GRM7: variants seen among roughly 807,000 people sequenced by gnomAD.
GRM7 encodes metabotropic glutamate receptor 7.
A neutral mutation model predicts 84.5 loss-of-function variants in GRM7; 35 were observed. The observed-to-expected ratio is 0.41, with a 90% CI of 0.32 to 0.55. The LOEUF (loss-of-function observed/expected upper bound fraction) is 0.55, where lower values mean the gene tolerates loss of function less well. Ranked by LOEUF, GRM7 falls within the 20% of genes least tolerant of loss-of-function variation. The pLI is 0.19. For synonymous variants in GRM7, 487 were observed against 455.1 expected, an observed-to-expected ratio of 1.07 and a Z score of -0.89; for missense variants, 1,003 against 1,194.6, an observed-to-expected ratio of 0.84 and a Z score of 2.36.
chr3:7,525,763 T>C (rs755397066), intron 7 of GRM7, among the ~76,000 whole-genome samples: 1 of 152,138 alleles, frequency 6.6e-6, no homozygotes, highest in Non-Finnish European at 1.5e-5. Flanking sequence ...TATGTCCATG[T>C]GTATCCAATG....
At chr3:7,333,397 C>A (rs1467961289) in intron 4 of GRM7, among the ~76,000 whole-genome samples, 1 of 152,200 alleles carries the variant, frequency 6.6e-6, no homozygotes, top group African/African-American at 2.4e-5. Flanking sequence ...AAAATCACTG[C>A]AGTCTGCCTC....
intron 1 of GRM7, among the ~76,000 whole-genome samples, chr3:6,936,987 C>T (rs1697715940): frequency 6.6e-6 from 1 of 152,178 alleles, no homozygotes; most frequent in African/African-American, 2.4e-5. Context: ...ATGATGAACA[C>T]ACTTTGTAAA....
chr3:7,645,659 A>G (rs994122915), intron 8 of GRM7, among the ~76,000 whole-genome samples: 7 of 152,166 alleles, frequency 4.6e-5, no homozygotes, highest in South Asian at 2.1e-4. Context: ...GAGTCATAAG[A>G]CAGAAAATCT....
intron 6 of GRM7, among the ~76,000 whole-genome samples, chr3:7,459,372 C>T (rs1221581081): frequency 2.0e-5 from 3 of 152,046 alleles, no homozygotes; most frequent in Non-Finnish European, 1.5e-5. Context: ...AGGAAGGAGC[C>T]AGTGTGCCAA....
chr3:6,908,151 A>G (rs1225388948), intron 1 of GRM7, among the ~76,000 whole-genome samples: 1 of 152,222 alleles, frequency 6.6e-6, no homozygotes, highest in African/African-American at 2.4e-5. Flanking sequence ...GAAAGTGGAA[A>G]GAATGTCTGG....
At chr3:7,354,427 T>G (rs2125095576) in intron 4 of GRM7, among the ~76,000 whole-genome samples, 1 of 152,220 alleles carries the variant, frequency 6.6e-6, no homozygotes, top group South Asian at 2.1e-4. Flanking sequence ...ATGAGTGGAA[T>G]AGATGTTCTT....
Position 6,861,577 on chromosome 3 carries a change from C to A in GRM7, c.189C>A (p.Ser63Arg), listed in dbSNP as rs1448949035. 1.2e-6 allele frequency: 2 copies of A among 1,605,076 alleles called. No individual in the cohort carries two copies. The highest frequency in any genetic ancestry group is 1.7e-5 in the Admixed American group (1 of 59,300). ...GLFPVHAKGP[S>R]GVPCGDIKRE... ...TCCCCGTGCACGCCAAGGGTCCCAG[C>A]GGAGTGCCCTGCGGCGACATCAAGA... is the stretch of plus-strand genomic sequence containing the variant. The change falls in exon 1 of 10, where the codon AGC becomes AGA. Residue 63 changes from serine to arginine, a missense_variant. By Grantham distance (110) the Ser-to-Arg change is moderately radical. Transcript: ENST00000357716. The surrounding 1 kb of genome is among the most constrained non-coding windows in gnomAD (Gnocchi z 6.4).
At chr3:6,903,350 T>C (rs988315627) in intron 1 of GRM7, among the ~76,000 whole-genome samples, 5 of 152,230 alleles carry the variant, frequency 3.3e-5, no homozygotes, top group Admixed American at 6.5e-5. Context: ...TTTGAAAAAC[T>C]GCCTGGATTG....
intron 1 of GRM7, among the ~76,000 whole-genome samples, chr3:6,869,394 C>A (rs62237230): frequency 0.052 from 7,962 of 152,192 alleles, 240 homozygotes; most frequent in Non-Finnish European, 0.058. Context: ...ATGTTTAATA[C>A]ATTTAAAAGC....
In GRM7 at chr3:6,862,393, G is replaced by A. The variant is rs1440349108; in HGVS notation, c.519+486G>A. Among the ~76,000 whole-genome samples the A allele has an allele frequency of 6.6e-6, 1 of 151,976 alleles. No homozygotes were observed. The highest frequency in any genetic ancestry group is 1.5e-5 in the Non-Finnish European group (1 of 67,992). ...TGAAAAATTTGGAGACAGCCTTAAG[G>A]AGGCACTTCTTAAATCGAGGGCTCC... On this transcript the variant is annotated intron_variant, in intron 1 of 9. Transcript: ENST00000357716. This position sits in a 1 kb window ranked among gnomAD's most constrained non-coding sequence, Gnocchi z 5.2.
chr3:6,916,905 G>A (rs1023405285), intron 1 of GRM7, among the ~76,000 whole-genome samples: 2 of 152,098 alleles, frequency 1.3e-5, no homozygotes, highest in South Asian at 4.1e-4. Context: ...CTGGGTGGGG[G>A]CAGAAAATGT....
intron 2 of GRM7, among the ~76,000 whole-genome samples, chr3:7,176,417 G>T (rs937192759): frequency 1.2e-4 from 18 of 151,396 alleles, no homozygotes; most frequent in African/African-American, 4.1e-4. Context: ...ACCCTGTCTT[G>T]AAAAAAACAA....
chr3:7,129,751 G>A (rs1693529468), intron 1 of GRM7, among the ~76,000 whole-genome samples: 1 of 152,164 alleles, frequency 6.6e-6, no homozygotes, highest in Non-Finnish European at 1.5e-5. Flanking sequence ...CTGGGTCCTT[G>A]GTGACTGAAA....
chr3:7,571,282 C>G (rs773647682), intron 7 of GRM7, among the ~76,000 whole-genome samples: 1 of 152,134 alleles, frequency 6.6e-6, no homozygotes, highest in African/African-American at 2.4e-5. Flanking sequence ...TTTTTTATTG[C>G]ATTGCCAGGC....
intron 9 of GRM7, among the ~76,000 whole-genome samples, chr3:7,737,467 G>A (rs776525164): frequency 1.3e-5 from 2 of 152,070 alleles, no homozygotes; most frequent in Non-Finnish European, 2.9e-5. Flanking sequence ...GTGCTTCATT[G>A]CGCAACTATT....
intron 2 of GRM7, among the ~76,000 whole-genome samples, chr3:7,166,894 A>G (rs1373985317): frequency 6.6e-6 from 1 of 152,112 alleles, no homozygotes; most frequent in African/African-American, 2.4e-5. Flanking sequence ...AAATTTGACT[A>G]TTTGTGTTTA....
intron 8 of GRM7, among the ~76,000 whole-genome samples, chr3:7,639,079 C>T (rs987933596): frequency 6.6e-6 from 1 of 152,178 alleles, no homozygotes; most frequent in African/African-American, 2.4e-5. Flanking sequence ...AACCTTCCAC[C>T]TCTGTCTCCC....
chr3:7,180,272 G>T (rs1695291764), intron 2 of GRM7, among the ~76,000 whole-genome samples: 1 of 152,062 alleles, frequency 6.6e-6, no homozygotes, highest in African/African-American at 2.4e-5. Context: ...TAAAATTTTG[G>T]CCAGGATTGA....
At chr3:7,176,229 T>TAAAAAAAAAAAAA (rs55732650) in intron 2 of GRM7, among the ~76,000 whole-genome samples, 2 of 63,140 alleles carry the variant, frequency 3.2e-5, no homozygotes, top group African/African-American at 6.3e-5. Flanking sequence ...CTATAAAAAG[T>TAAAAAAAAAAAAA]AAAAAAAAAA....
Sources: allele counts gnomAD v4.1 joint callset (sites outside exome capture counted in the v4.1 genomes callset), GRCh38; gene constraint gnomAD v4.1.1; non-coding constraint Gnocchi (gnomAD v3.1); transcripts MANE v1.5; gene names NCBI Gene and HGNC (gene_info 2026-07-23, HGNC 2026-07-21).